Variants in BAZ2B observed in about 807,000 individuals in gnomAD.
The protein encoded by BAZ2B is bromodomain adjacent to zinc finger domain protein 2B.
A neutral mutation model predicts 246.0 loss-of-function variants in BAZ2B; 91 were observed. The observed-to-expected ratio is 0.37, with a 90% CI of 0.31 to 0.44. The LOEUF is 0.44. Ranked by LOEUF, BAZ2B falls within the 20% of genes least tolerant of loss-of-function variation. The pLI, the probability that BAZ2B is intolerant of heterozygous loss-of-function variation, is 1.00. For synonymous variants in BAZ2B, 855 were observed against 860.0 expected (o/e 0.99, Z 0.10); for missense variants, 2,332 against 2,533.7 (o/e 0.92, Z 1.71).
At chr2:159,622,427 G>A in the BAZ2B span, among the ~76,000 whole-genome samples, 12 of 152,002 alleles carry the variant, frequency 7.9e-5, no homozygotes, top group Non-Finnish European at 1.6e-4. Flanking sequence ...AAAAATTATG[G>A]GAGGATTCCC....
rs2062537757 is a variant in BAZ2B, at chr2:159,320,171, G to T, written c.*94C>A. 1 of 1,101,630 alleles carries T rather than the reference G, an allele frequency of 9.1e-7. No homozygotes were observed. The highest frequency in any genetic ancestry group is 1.2e-6 in the Non-Finnish European group (1 of 827,552). 68.2% of individuals were successfully genotyped at this position (1,101,630 alleles called of 1,614,324 possible). A position where few individuals can be genotyped will look rare whatever the true frequency, so the allele number is the denominator to read the frequency against. The stretch of plus-strand genomic sequence containing the variant: ...ACTTAAGGAAAAAGAAAGTCATTAT[G>T]TATGTGCCTTGCACGTTTATGTAAA... On this transcript the variant is annotated 3_prime_UTR_variant, in exon 37 of 37. Transcript: ENST00000392783.
chr2:159,667,152 G>GTTT, the BAZ2B span, among the ~76,000 whole-genome samples: 1 of 145,618 alleles, frequency 6.9e-6, no homozygotes. Flanking sequence ...TTTTTCTCCT[G>GTTT]TTTTTTTTTT....
the BAZ2B span, among the ~76,000 whole-genome samples, chr2:159,657,633 T>C: frequency 6.6e-6 from 1 of 152,218 alleles, no homozygotes; most frequent in African/African-American, 2.4e-5. Context: ...TTTGATTTCT[T>C]TTGTCAGAGT....
the BAZ2B span, among the ~76,000 whole-genome samples, chr2:159,695,993 T>G: frequency 6.6e-6 from 1 of 152,074 alleles, no homozygotes; most frequent in Admixed American, 6.5e-5. Flanking sequence ...ACTCTTGACC[T>G]CAAGCGATCC....
At chr2:159,473,165 T>A (rs890274602) in intron 3 of BAZ2B, among the ~76,000 whole-genome samples, 2 of 152,170 alleles carry the variant, frequency 1.3e-5, no homozygotes, top group African/African-American at 4.8e-5. Flanking sequence ...TCTTTGTACC[T>A]CTGGTAGAAT....
intron 8 of BAZ2B, chr2:159,433,914 G>C (rs367592104): frequency 2.0e-5 from 3 of 152,946 alleles, no homozygotes; most frequent in African/African-American, 7.2e-5. Context: ...AAACATCATA[G>C]CTTAGTCTAA....
chr2:159,359,430 C>T (rs754646146), intron 27 of BAZ2B, among the ~76,000 whole-genome samples: 42 of 152,230 alleles, frequency 2.8e-4, no homozygotes, highest in Non-Finnish European at 4.6e-4. Context: ...CCTGAATAGA[C>T]CAATAACAAG....
At chr2:159,531,364 T>C (rs1211304882) in intron 2 of BAZ2B, among the ~76,000 whole-genome samples, 10 of 152,208 alleles carry the variant, frequency 6.6e-5, no homozygotes, top group Admixed American at 5.2e-4. Context: ...TTCTATGAGA[T>C]GTTTTTACTT....
chr2:159,520,555 C>A (rs2084018382), intron 2 of BAZ2B, among the ~76,000 whole-genome samples: 1 of 152,078 alleles, frequency 6.6e-6, no homozygotes. Flanking sequence ...ACTCTAAATA[C>A]AAATAAACTT....
chr2:159,453,505 A>C, intron 4 of BAZ2B, 108 bp downstream of exon 4: 52 of 1,254,390 alleles, frequency 4.1e-5, no homozygotes, highest in Non-Finnish European at 4.9e-5. Context: ...CCAAAGTTTT[A>C]AATATACCAG....
intron 31 of BAZ2B, among the ~76,000 whole-genome samples, chr2:159,346,623 A>G (rs1022969806): frequency 6.6e-6 from 1 of 152,096 alleles, no homozygotes; most frequent in Non-Finnish European, 1.5e-5. Flanking sequence ...CTGGAAGTGG[A>G]GGTTGCAGTA....
downstream of BAZ2B, among the ~76,000 whole-genome samples, chr2:159,316,480 A>T (rs1464045020): frequency 1.3e-5 from 2 of 151,828 alleles, no homozygotes; most frequent in Non-Finnish European, 2.9e-5. Flanking sequence ...TCACGAGGTC[A>T]GGAGATCGAG....
At position 159,433,273 on chromosome 2, in the gene BAZ2B, T is replaced by C. The variant is rs1384715395; in HGVS notation, c.1384A>G (p.Lys462Glu). ...TGTGCTGGTGAACTAGAGGTTGCTTTTGGATTTGACAAAGCTGCAATAACC... is the reference window on the plus strand; with the variant it reads ...TGTGCTGGTGAACTAGAGGTTGCTTCTGGATTTGACAAAGCTGCAATAACC... The part of the protein sequence containing the change: ...KKVIAALSNP[K>E]ATSSSPAHPK... Residue 462 changes from lysine to glutamate, a missense_variant, in exon 9 of 37, where the codon AAA becomes GAA. Physicochemically the swap from Lys to Glu is moderately conservative, Grantham distance 56 (BLOSUM62 1). Transcript: ENST00000392783. 3.1e-6 allele frequency: 5 copies of C among 1,614,038 alleles called. No homozygotes were observed. Among genetic ancestry groups the C allele is most frequent in the Admixed American group, 3.3e-5 (2 of 60,000 alleles).
chr2:159,406,693 G>C (rs943613489), intron 14 of BAZ2B, among the ~76,000 whole-genome samples: 6 of 152,130 alleles, frequency 3.9e-5, no homozygotes, highest in Non-Finnish European at 8.8e-5. Context: ...TGAATCACTT[G>C]AGCTCTAAAA....
intron 16 of BAZ2B, among the ~76,000 whole-genome samples, chr2:159,403,633 G>C (rs1375059513): frequency 6.6e-6 from 1 of 152,088 alleles, no homozygotes; most frequent in African/African-American, 2.4e-5. Flanking sequence ...ATCTTACAAT[G>C]TCTAGCAGTC....
At chr2:159,433,573 C>A (rs2071554729) in intron 8 of BAZ2B, 3 of 444,740 alleles carry the variant, frequency 6.7e-6, no homozygotes, top group Non-Finnish European at 1.2e-5. Context: ...TTAGTTTTTC[C>A]CCATTAAAAA....
At chr2:159,541,259 CTTATTATTA>C (rs56310950) in intron 2 of BAZ2B, among the ~76,000 whole-genome samples, 3,952 of 148,276 alleles carry the variant, frequency 0.027, 185 homozygotes, top group African/African-American at 0.092. Context: ...AACAAAAGCC[CTTATTATTA>C]TTATTATTAT....
intron 2 of BAZ2B, among the ~76,000 whole-genome samples, chr2:159,485,952 G>A (rs995923225): frequency 3.3e-5 from 5 of 151,944 alleles, no homozygotes; most frequent in Non-Finnish European, 5.9e-5. Context: ...ATTGCTCAGC[G>A]AATAATCTAT....
At chr2:159,605,169 G>A (rs10198053) in intron 1 of BAZ2B, among the ~76,000 whole-genome samples, 82,111 of 151,684 alleles carry the variant, frequency 0.54, 23,034 homozygotes, top group East Asian at 0.74. Flanking sequence ...CCAGGCCTAC[G>A]GGTGCATGCC....
Sources: gnomAD v4.1 joint callset for allele counts (sites outside exome capture counted in the v4.1 genomes callset) on GRCh38, gnomAD v4.1.1 for gene constraint, MANE v1.5 for transcripts, NCBI Gene and HGNC (gene_info 2026-07-23, HGNC 2026-07-21) for gene names.